The following NPTN variants were observed in gnomAD, a reference collection of about 807,000 sequenced individuals.
NPTN encodes SDR-1.
A neutral mutation model predicts 42.7 loss-of-function variants in NPTN; 5 were observed. The observed-to-expected ratio is 0.12, with a 90% CI of 0.06 to 0.25. The LOEUF (loss-of-function observed/expected upper bound fraction) is 0.25. Ranked by LOEUF, NPTN falls within the 10% of genes least tolerant of loss-of-function variation. The pLI, the probability that NPTN is intolerant of heterozygous loss-of-function variation, is 1.00. For synonymous variants in NPTN, 180 were observed against 201.9 expected (o/e 0.89, Z 0.92); for missense variants, 307 against 525.4 (o/e 0.58, Z 4.06).
chr15:73,578,514 C>T (rs796454022), intron 4 of NPTN, among the ~76,000 whole-genome samples: 15 of 152,240 alleles, frequency 9.9e-5, no homozygotes, highest in African/African-American at 3.6e-4. Context: ...AGGTTTTGGC[C>T]TGTGTAACTG....
intron 1 of NPTN, among the ~76,000 whole-genome samples, chr15:73,607,363 TTC>T (rs1897341706): frequency 6.6e-6 from 1 of 152,252 alleles, no homozygotes; most frequent in African/African-American, 2.4e-5. Context: ...CAAGCTTACT[TTC>T]TGTCTCTGAC....
Position 73,633,323 on chromosome 15 carries a change from G to C in NPTN, c.-108C>G. 2.4e-6 allele frequency: 2 copies of C among 827,316 alleles called. No homozygotes were observed. The highest frequency in any genetic ancestry group is 3.5e-6 in the Non-Finnish European group (2 of 570,336). The allele number at this position is 827,316 out of a possible 1,614,324, so 51.2% of individuals were successfully genotyped here. ...GGCGAGTGCGCGAGGGAGTGAGCGA[G>C]GGAGGCAGCCGCGGCTCGGCTCCGT... On this transcript the variant is annotated 5_prime_UTR_variant, in exon 1 of 9. Coordinates refer to ENST00000345330, the MANE Select transcript of NPTN (RefSeq NM_012428.4).
intron 2 of NPTN, among the ~76,000 whole-genome samples, chr15:73,595,875 C>T (rs1362902022): frequency 6.6e-6 from 1 of 150,532 alleles, no homozygotes; most frequent in Non-Finnish European, 1.5e-5. Flanking sequence ...GAAGTGGCCA[C>T]AAAAGTCCCG....
chr15:73,592,791 T>C (rs1896656267), intron 2 of NPTN, among the ~76,000 whole-genome samples: 2 of 152,228 alleles, frequency 1.3e-5, no homozygotes, highest in Admixed American at 6.5e-5. Flanking sequence ...AAACAAGTTG[T>C]TGTTTTCAGA....
rs35226980 is a variant in NPTN at position 73,612,420 on chromosome 15, C to CA, written c.92-15052dup. On this transcript the variant is annotated intron_variant, in intron 1 of 8. Coordinates refer to ENST00000345330, the MANE Select transcript of NPTN (RefSeq NM_012428.4). The stretch of plus-strand genomic sequence containing the variant: ...GGCCCACAGAGCGAGATCCTGTCTC[C>CA]AAAAAAAAAAAAAAAAAGGAAGAAA... Among the ~76,000 whole-genome samples, 911 of 119,976 alleles carry CA rather than the reference C, an allele frequency of 7.6e-3. 7 individuals carry two copies. The highest frequency in any genetic ancestry group is 0.021 in the African/African-American group (666 of 32,368). The allele number at this position is 119,976 out of a possible 152,430, so 78.7% of individuals were successfully genotyped here. A position where few individuals can be genotyped will look rare whatever the true frequency, so the allele number is the denominator to read the frequency against.
At chr15:73,619,953 T>C (rs544801370) in intron 1 of NPTN, among the ~76,000 whole-genome samples, 72 of 152,288 alleles carry the variant, frequency 4.7e-4, no homozygotes, top group African/African-American at 1.7e-3. Context: ...ACCACCATCC[T>C]GTGAGGTATG....
chr15:73,570,454 G>C lies in NPTN; in HGVS notation c.841-31C>G, dbSNP rs753824286. ...AAAAAGTGAGAATACACAAAGGTGAGAGTGAGTAACTGAGCTAATGTTCAA... is the reference window on the plus strand; with the variant it reads ...AAAAAGTGAGAATACACAAAGGTGACAGTGAGTAACTGAGCTAATGTTCAA... On this transcript the variant is annotated intron_variant, in intron 5 of 8. Transcript: ENST00000345330. The surrounding 1 kb of genome is among the most constrained non-coding windows in gnomAD (Gnocchi z 4.0). 2.5e-6 allele frequency: 4 copies of C among 1,595,466 alleles called. No individual in the cohort carries two copies. In the South Asian group the frequency reaches 4.5e-5, roughly 18 times the overall value.
intron 4 of NPTN, among the ~76,000 whole-genome samples, chr15:73,576,082 C>T (rs1315742602): frequency 1.3e-5 from 2 of 152,122 alleles, no homozygotes; most frequent in Non-Finnish European, 2.9e-5. Context: ...TACTTCAGTC[C>T]ATAAATTCCA....
At chr15:73,580,549 T>C (rs1399218546) in intron 4 of NPTN, among the ~76,000 whole-genome samples, 2 of 142,226 alleles carry the variant, frequency 1.4e-5, no homozygotes, top group African/African-American at 2.6e-5. Flanking sequence ...TTGTTATATA[T>C]GTATATATGT....
rs1595886893 is a variant in NPTN, at chr15:73,560,417, T to C, written c.*646A>G. On this transcript the variant is annotated 3_prime_UTR_variant, in exon 9 of 9. Transcript: ENST00000345330. ...CATACGTATATACTGCAATTCATTATACCCATTCAGTGGACTGTTCCAGCT... is the reference window on the plus strand; with the variant it reads ...CATACGTATATACTGCAATTCATTACACCCATTCAGTGGACTGTTCCAGCT... 6.5e-6 allele frequency: 1 copy of C among 153,178 alleles called. No homozygotes were observed. Among genetic ancestry groups the C allele is most frequent in the Admixed American group, 6.5e-5 (1 of 15,294 alleles). 9.5% of individuals were successfully genotyped at this position (153,178 alleles called of 1,614,324 possible).
At chr15:73,608,011 T>C (rs1423058669) in intron 1 of NPTN, among the ~76,000 whole-genome samples, 2 of 152,180 alleles carry the variant, frequency 1.3e-5, no homozygotes, top group Admixed American at 6.5e-5. Context: ...GTTTCTGAAA[T>C]CATATAAAGA....
At chr15:73,607,899 T>C (rs981123713) in intron 1 of NPTN, among the ~76,000 whole-genome samples, 2 of 152,108 alleles carry the variant, frequency 1.3e-5, no homozygotes, top group African/African-American at 2.4e-5. Context: ...CCAGGGACCA[T>C]ACTCTGACAA....
Position 73,560,138 on chromosome 15 carries a change from G to A in NPTN, c.*925C>T, listed in dbSNP as rs866925319. On this transcript the variant is annotated 3_prime_UTR_variant, in exon 9 of 9. Coordinates refer to ENST00000345330, the MANE Select transcript of NPTN (RefSeq NM_012428.4). ...TACAATTACGCACCGCATGAGAACC[G>A]TTAGGTTATAAAATCTATCATCAAC... 72 of 383,742 alleles carry A rather than the reference G, an allele frequency of 1.9e-4. No homozygotes were observed. The highest frequency in any genetic ancestry group is 1.3e-3 in the Middle Eastern group (2 of 1,496). The allele number at this position is 383,742 out of a possible 1,614,324, so 23.8% of individuals were successfully genotyped here.
intron 2 of NPTN, among the ~76,000 whole-genome samples, chr15:73,596,108 C>T (rs1398875210): frequency 1.3e-5 from 2 of 152,282 alleles, no homozygotes; most frequent in Admixed American, 6.5e-5. Context: ...AAACCGTGAA[C>T]AGGAATCAAC....
chr15:73,608,805 A>G (rs1252222130), intron 1 of NPTN, among the ~76,000 whole-genome samples: 1 of 152,242 alleles, frequency 6.6e-6, no homozygotes, highest in Non-Finnish European at 1.5e-5. Context: ...AACAGACATG[A>G]GAAATGTTTA....
intron 1 of NPTN, among the ~76,000 whole-genome samples, chr15:73,617,152 C>T (rs1206635033): frequency 1.3e-5 from 2 of 152,164 alleles, no homozygotes; most frequent in African/African-American, 2.4e-5. Flanking sequence ...TAACATACTA[C>T]TAAATGCAAA....
At chr15:73,579,062 C>T (rs188796593) in intron 4 of NPTN, among the ~76,000 whole-genome samples, 1 of 148,624 alleles carries the variant, frequency 6.7e-6, no homozygotes, top group Admixed American at 6.8e-5. Context: ...AGGCGGATCA[C>T]GAGGTCAGGA....
rs745412895 is a variant in NPTN at position 73,633,183 on chromosome 15, G to A, written c.33C>T (p.Ala11=). The A allele has an allele frequency of 3.3e-6, 5 of 1,530,354 alleles. No individual in the cohort carries two copies. Among genetic ancestry groups the A allele is most frequent in the East Asian group, 2.7e-5 (1 of 37,116 alleles). The allele number at this position is 1,530,354 out of a possible 1,614,324, so 94.8% of individuals were successfully genotyped here. The change falls in exon 1 of 9, where the codon GCC becomes GCT. Residue 11 remains alanine, a synonymous_variant. Coordinates refer to ENST00000345330, the MANE Select transcript of NPTN (RefSeq NM_012428.4). MSGSSLPSAL[A]LSLLLVSGSL... ...AGCCAGAGACCAGCAACAGCGAGAG[G>A]GCCAGGGCGCTGGGCAGCGACGAAC...
intron 1 of NPTN, among the ~76,000 whole-genome samples, chr15:73,629,227 C>A (rs1299019831): frequency 6.6e-6 from 1 of 152,180 alleles, no homozygotes; most frequent in African/African-American, 2.4e-5. Flanking sequence ...GCCTGAGAGA[C>A]TGAAAGCCTG....
Sources: allele counts gnomAD v4.1 joint callset (sites outside exome capture counted in the v4.1 genomes callset), GRCh38; gene constraint gnomAD v4.1.1; non-coding constraint Gnocchi (gnomAD v3.1); transcripts MANE v1.5; gene names NCBI Gene and HGNC (gene_info 2026-07-23, HGNC 2026-07-21).